The following MAP2K5 variants were observed in gnomAD, a reference collection of about 807,000 sequenced individuals.
MAP2K5 encodes dual specificity mitogen-activated protein kinase kinase 5.
MAP2K5 carries 49 observed loss-of-function variants against 83.1 expected under a neutral mutation model. The observed-to-expected ratio is 0.59, with a 90% confidence interval of 0.47 to 0.75. The LOEUF is 0.75. MAP2K5 is among the 30% of genes least tolerant of loss of function. The pLI is 0.00. For synonymous variants in MAP2K5, 202 were observed against 191.8 expected (o/e 1.05, Z -0.44); for missense variants, 457 against 557.5 (o/e 0.82, Z 1.82).
At chr15:67,763,152 G>A (rs940988996) in intron 19 of MAP2K5, among the ~76,000 whole-genome samples, 3 of 152,066 alleles carry the variant, frequency 2.0e-5, no homozygotes, top group African/African-American at 7.2e-5. Flanking sequence ...TCATCTGCCA[G>A]CCTTCCTAAG....
chr15:67,610,498 G>A (rs2085894492), intron 8 of MAP2K5, among the ~76,000 whole-genome samples: 1 of 152,102 alleles, frequency 6.6e-6, no homozygotes, highest in Non-Finnish European at 1.5e-5. Flanking sequence ...TATTGCACAA[G>A]CAAATATTTG....
intron 3 of MAP2K5, among the ~76,000 whole-genome samples, chr15:67,569,374 G>C (rs941144310): frequency 6.6e-6 from 1 of 152,150 alleles, no homozygotes; most frequent in Non-Finnish European, 1.5e-5. Flanking sequence ...GTGGAGAAAC[G>C]GTGAAAAGAA....
In MAP2K5 at chr15:67,726,154, A is replaced by G. The variant is rs537658001; in HGVS notation, c.1045-1762A>G. Among the ~76,000 whole-genome samples, 28 of 152,344 alleles carry G rather than the reference A, an allele frequency of 1.8e-4. 2 individuals are homozygous for G. The highest frequency in any genetic ancestry group is 1.2e-3 in the Admixed American group (18 of 15,314). On this transcript the variant is annotated intron_variant, in intron 16 of 21. Transcript: ENST00000178640. ...TCAGTGTATATTTTGTGTACAAGAT[A>G]TGAGTACAAGGTAATGAAACTAGGT...
At chr15:67,582,862 T>C (rs1030947058) in intron 4 of MAP2K5, among the ~76,000 whole-genome samples, 1 of 151,884 alleles carries the variant, frequency 6.6e-6, no homozygotes, top group African/African-American at 2.4e-5. Context: ...ACACTTCCAA[T>C]GTTGTGGGTC....
intron 17 of MAP2K5, among the ~76,000 whole-genome samples, chr15:67,730,220 T>A (rs956950339): frequency 6.6e-6 from 1 of 152,150 alleles, no homozygotes; most frequent in Non-Finnish European, 1.5e-5. Context: ...TTCCTACCCC[T>A]CCCTTATGCC....
At chr15:67,590,442 C>CTT in intron 6 of MAP2K5, among the ~76,000 whole-genome samples, 1 of 5,838 alleles carries the variant, frequency 1.7e-4, no homozygotes, top group East Asian at 6.1e-3. Context: ...TCTCTCCCTC[C>CTT]CTCCCTCTCT....
intron 9 of MAP2K5, chr15:67,642,497 G>A (rs1348782356): frequency 6.6e-7 from 1 of 1,514,054 alleles, no homozygotes; most frequent in East Asian, 2.3e-5. Flanking sequence ...AGGACTTTGA[G>A]GTGAGCTTCA....
At chr15:67,709,478 CA>C (rs34286897) in intron 16 of MAP2K5, among the ~76,000 whole-genome samples, 18,798 of 129,644 alleles carry the variant, frequency 0.14, 1,098 homozygotes, top group East Asian at 0.19. Context: ...GACTTCAGGG[CA>C]AAAAAAAAAA....
At chr15:67,545,098 G>T (rs1217235380) in intron 1 of MAP2K5, among the ~76,000 whole-genome samples, 1 of 152,142 alleles carries the variant, frequency 6.6e-6, no homozygotes, top group Non-Finnish European at 1.5e-5. Context: ...TCTCCCAGGT[G>T]TCCAGGCTGT....
intron 19 of MAP2K5, among the ~76,000 whole-genome samples, chr15:67,759,387 G>A (rs1403276882): frequency 1.3e-5 from 2 of 151,352 alleles, no homozygotes; most frequent in African/African-American, 4.9e-5. Context: ...GGTGAGACCC[G>A]ATCTCTACAA....
At chr15:67,745,481 C>G (rs2089585349) in intron 17 of MAP2K5, among the ~76,000 whole-genome samples, 1 of 152,168 alleles carries the variant, frequency 6.6e-6, no homozygotes, top group Admixed American at 6.5e-5. Context: ...CTGTTTGGAT[C>G]TGTTTTATGG....
At chr15:67,772,646 T>A in intron 20 of MAP2K5, 61 bp from the exon 21 acceptor site, 1 of 1,153,768 alleles carries the variant, frequency 8.7e-7, no homozygotes, top group East Asian at 2.6e-5. Flanking sequence ...TTGGTAGAAA[T>A]TATAGCAAAA....
chr15:67,654,562 A>G (rs969796215), intron 11 of MAP2K5, among the ~76,000 whole-genome samples: 8 of 151,896 alleles, frequency 5.3e-5, no homozygotes, highest in African/African-American at 1.7e-4. Flanking sequence ...ATCCCATTCT[A>G]TTTGTTTTCT....
At chr15:67,693,864 C>A (rs1241024063) in intron 15 of MAP2K5, among the ~76,000 whole-genome samples, 1 of 152,118 alleles carries the variant, frequency 6.6e-6, no homozygotes, top group African/African-American at 2.4e-5. Flanking sequence ...GGCCACTTTT[C>A]CACATTTCTT....
At chr15:67,582,927 TTTTG>T (rs980491933) in intron 4 of MAP2K5, among the ~76,000 whole-genome samples, 3 of 152,142 alleles carry the variant, frequency 2.0e-5, no homozygotes, top group Non-Finnish European at 4.4e-5. Context: ...TTCTTTCAAG[TTTTG>T]TTTGTTTTCT....
chr15:67,578,742 G>T lies in MAP2K5; in HGVS notation c.253-2012G>T, dbSNP rs144040989. ...ATTTGGCACAGACCTAAAATGAAAGGAAAACCATTTTTATTTATTTATTCT... is the reference window on the plus strand; with the variant it reads ...ATTTGGCACAGACCTAAAATGAAAGTAAAACCATTTTTATTTATTTATTCT... On this transcript the variant is annotated intron_variant, in intron 3 of 21. Coordinates refer to ENST00000178640, the MANE Select transcript of MAP2K5 (RefSeq NM_145160.3). 7.2e-5 allele frequency among the ~76,000 whole-genome samples: 11 copies of T among 152,142 alleles called. No individual in the cohort carries two copies. In the East Asian group the frequency reaches 1.7e-3, roughly 24 times the overall value.
intron 6 of MAP2K5, 136 bp from the exon 7 acceptor site, chr15:67,592,790 T>C: frequency 1.5e-6 from 1 of 653,224 alleles, no homozygotes; most frequent in Non-Finnish European, 2.7e-6. Context: ...TTGAAAAAAA[T>C]TTACATTGGG....
rs544080152 is a variant in MAP2K5, at chr15:67,693,063, G to C, written c.922-455G>C. 7.2e-5 allele frequency among the ~76,000 whole-genome samples: 11 copies of C among 152,284 alleles called. No individual in the cohort carries two copies. In the South Asian group the frequency reaches 2.3e-3, roughly 32 times the overall value. On this transcript the variant is annotated intron_variant, in intron 14 of 21. Coordinates refer to ENST00000178640, the MANE Select transcript of MAP2K5 (RefSeq NM_145160.3). The stretch of plus-strand genomic sequence containing the variant: ...GCCACCTTTACTCCCAGCCAAACAC[G>C]AAGACCAAAGCGAAGGTCATCGTTG...
At chr15:67,664,712 T>G in intron 13 of MAP2K5, 67 bp downstream of exon 13, 1 of 1,007,012 alleles carries the variant, frequency 9.9e-7, no homozygotes, top group Non-Finnish European at 1.5e-6. Context: ...GATACCTTGA[T>G]TTTTAAAGTA....
Sources: allele counts gnomAD v4.1 joint callset (sites outside exome capture counted in the v4.1 genomes callset), GRCh38; gene constraint gnomAD v4.1.1; transcripts MANE v1.5; gene names NCBI Gene and HGNC (gene_info 2026-07-23, HGNC 2026-07-21).